The following HGF variants were observed in gnomAD, a reference collection of about 807,000 sequenced individuals.
HGF encodes fibroblast-derived tumor cytotoxic factor.
Under a neutral mutation model 111.6 loss-of-function variants are expected in HGF, and 39 were observed. That is an observed-to-expected ratio of 0.35 (90% CI 0.27 to 0.46). The LOEUF is 0.46. HGF is among the 20% of genes least tolerant of loss of function. The pLI, the probability that HGF is intolerant of heterozygous loss-of-function variation, is 1.00. For synonymous variants in HGF, 285 were observed against 294.8 expected (o/e 0.97, Z 0.34); for missense variants, 735 against 910.5 (o/e 0.81, Z 2.48).
intron 12 of HGF, among the ~76,000 whole-genome samples, 161 bp downstream of exon 12, chr7:81,711,320 C>T (rs1163267695): frequency 6.6e-6 from 1 of 151,794 alleles, no homozygotes; most frequent in Non-Finnish European, 1.5e-5. Context: ...CTCCTTTACA[C>T]CTATGCATAG....
intron 7 of HGF, chr7:81,736,649 T>G: frequency 2.3e-6 from 1 of 441,928 alleles, no homozygotes; most frequent in South Asian, 1.6e-5. Flanking sequence ...GAAAGTAAAA[T>G]TTTTTGAAAG....
rs1363905586 is a variant in HGF at position 81,707,379 on chromosome 7, A to G, written c.1542-15T>C. The G allele has an allele frequency of 6.8e-7, 1 of 1,481,420 alleles. No homozygotes were observed. The highest frequency in any genetic ancestry group is 1.4e-5 in the African/African-American group (1 of 72,400). The allele number at this position is 1,481,420 out of a possible 1,614,324, so 91.8% of individuals were successfully genotyped here. ...TATGTTTATTTCTGTGAAAAAGAGGAAAGAGAAACAAGTAACATCTGTGCA... is the reference window on the plus strand; with the variant it reads ...TATGTTTATTTCTGTGAAAAAGAGGGAAGAGAAACAAGTAACATCTGTGCA... On this transcript the variant is annotated splice_polypyrimidine_tract_variant and intron_variant, in intron 13 of 17. Coordinates refer to ENST00000222390, the MANE Select transcript of HGF (RefSeq NM_000601.6).
intron 13 of HGF, among the ~76,000 whole-genome samples, chr7:81,709,296 GGT>G (rs1386645905): frequency 6.6e-6 from 1 of 152,076 alleles, no homozygotes; most frequent in Non-Finnish European, 1.5e-5. Flanking sequence ...AGAAACGTGA[GGT>G]ATCTAGAAAA....
chr7:81,720,543 CA>C (rs1789825530), intron 10 of HGF, among the ~76,000 whole-genome samples: 1 of 152,146 alleles, frequency 6.6e-6, no homozygotes, highest in Non-Finnish European at 1.5e-5. Context: ...AATAAATATC[CA>C]CTAACTTGAA....
At chr7:81,711,753 C>T (rs925094490) in intron 11 of HGF, among the ~76,000 whole-genome samples, 1 of 152,102 alleles carries the variant, frequency 6.6e-6, no homozygotes, top group Admixed American at 6.5e-5. Context: ...AAGCGATTCT[C>T]CTGACTCAGC....
intron 17 of HGF, 24 bp downstream of exon 17, chr7:81,705,366 C>T (rs536246454): frequency 1.2e-6 from 2 of 1,607,106 alleles, no homozygotes; most frequent in African/African-American, 1.3e-5. Context: ...TCACATACTC[C>T]TTATTAAAGA....
intron 7 of HGF, among the ~76,000 whole-genome samples, chr7:81,740,727 A>G (rs891473587): frequency 6.6e-6 from 1 of 152,210 alleles, no homozygotes; most frequent in African/African-American, 2.4e-5. Context: ...GGCAGTCTCT[A>G]GAAGAATTAA....
intron 11 of HGF, among the ~76,000 whole-genome samples, chr7:81,712,467 A>G (rs1370279436): frequency 2.0e-5 from 3 of 152,198 alleles, no homozygotes; most frequent in Admixed American, 6.5e-5. Context: ...TCCAGATGCG[A>G]GTAAAAAAAT....
chr7:81,743,113 T>C (rs552996583), intron 7 of HGF, among the ~76,000 whole-genome samples: 2 of 152,368 alleles, frequency 1.3e-5, no homozygotes, highest in East Asian at 3.9e-4. Context: ...TTTAGGCTCT[T>C]GCCATAAGTA....
chr7:81,717,461 C>T, intron 10 of HGF, 96 bp from the exon 11 acceptor site: 1 of 1,186,628 alleles, frequency 8.4e-7, no homozygotes, highest in Non-Finnish European at 1.3e-6. Context: ...ACATTACTTT[C>T]ACTGTAGATA....
chr7:81,757,910 C>T (rs1167645606), intron 3 of HGF, among the ~76,000 whole-genome samples: 1 of 151,854 alleles, frequency 6.6e-6, no homozygotes, highest in Non-Finnish European at 1.5e-5. Flanking sequence ...TATACTAGAT[C>T]ATGAATTATG....
At chr7:81,751,138 ATATT>A in intron 5 of HGF, 1 of 897,432 alleles carries the variant, frequency 1.1e-6, no homozygotes, top group Non-Finnish European at 1.3e-6. Flanking sequence ...TATTAAATGA[ATATT>A]TATGGAGGAA....
Position 81,770,016 on chromosome 7 carries a change from G to T in HGF, c.-45C>A. 7.1e-7 allele frequency: 1 copy of T among 1,414,922 alleles called. No individual in the cohort carries two copies. Among genetic ancestry groups the T allele is most frequent in the Non-Finnish European group, 9.7e-7 (1 of 1,025,794 alleles). The allele number at this position is 1,414,922 out of a possible 1,614,324, so 87.6% of individuals were successfully genotyped here. ...GCGGATCCCTCTGGAGGAGATGCCT[G>T]GGTGAAAGAATCCTGTTCGGAGTCA... On this transcript the variant is annotated 5_prime_UTR_variant, in exon 1 of 18. Transcript: ENST00000222390.
At chr7:81,758,935 AT>A (rs1236243628) in intron 2 of HGF, 131 bp from the exon 3 acceptor site, 1 of 591,824 alleles carries the variant, frequency 1.7e-6, no homozygotes, top group African/African-American at 1.9e-5. Context: ...CATATACATA[AT>A]AAAAATATGA....
Position 81,725,987 on chromosome 7 carries a change from T to C in HGF, c.1071A>G (p.Pro357=), listed in dbSNP as rs1164497898. 3.7e-6 allele frequency: 6 copies of C among 1,613,910 alleles called. No homozygotes were observed. The highest frequency in any genetic ancestry group is 5.1e-6 in the Non-Finnish European group (6 of 1,179,876). The change falls in exon 9 of 18, where the codon CCA becomes CCG. Residue 357 remains proline (P), a synonymous_variant. Transcript: ENST00000222390. ...AACACCAGGGTGATTCAGACCCATC[T>C]GGATTTCGGCAGTAATTTTCTCGTA... ...KDLRENYCRN[P]DGSESPWCFT...
chr7:81,754,198 T>G (rs1371672150), intron 4 of HGF, among the ~76,000 whole-genome samples: 1 of 152,022 alleles, frequency 6.6e-6, no homozygotes, highest in African/African-American at 2.4e-5. Context: ...ATTTATTTAC[T>G]CCCTGGGTTT....
chr7:81,754,689 A>C (rs1425771637), intron 4 of HGF, among the ~76,000 whole-genome samples: 1 of 151,946 alleles, frequency 6.6e-6, no homozygotes, highest in Admixed American at 6.6e-5. Flanking sequence ...TCTTTTCTTC[A>C]TTCTGTGGTG....
chr7:81,730,485 C>A (rs1373144104), intron 7 of HGF, among the ~76,000 whole-genome samples: 3 of 151,960 alleles, frequency 2.0e-5, no homozygotes, highest in African/African-American at 7.2e-5. Context: ...TAAATAAATT[C>A]TAAGCTAACA....
At chr7:81,732,319 G>A (rs1339013113) in intron 7 of HGF, among the ~76,000 whole-genome samples, 1 of 152,130 alleles carries the variant, frequency 6.6e-6, no homozygotes, top group Non-Finnish European at 1.5e-5. Context: ...TTCGAACATT[G>A]TTGAAATTTC....
Sources: gnomAD v4.1 joint callset for allele counts (sites outside exome capture counted in the v4.1 genomes callset) on GRCh38, gnomAD v4.1.1 for gene constraint, MANE v1.5 for transcripts, NCBI Gene and HGNC (gene_info 2026-07-23, HGNC 2026-07-21) for gene names.